The following DNAJB6 variants were observed in gnomAD, a reference collection of about 807,000 sequenced individuals.
DNAJB6 encodes DnaJ heat shock protein family (Hsp40) member B6, also known as dnaJ homolog subfamily B member 6.
Under a neutral mutation model 42.7 loss-of-function variants are expected in DNAJB6, and 16 were observed. The ratio of observed to expected loss-of-function variants is 0.37; its 90% CI spans 0.25 to 0.57. DNAJB6 has a LOEUF of 0.57. Ranked by LOEUF, DNAJB6 falls within the 20% of genes least tolerant of loss-of-function variation. DNAJB6 has a pLI of 0.74. For missense variants in DNAJB6, 347 were observed against 416.8 expected (o/e 0.83, Z 1.46); for synonymous variants, 170 against 163.5 (o/e 1.04, Z -0.30).
chr7:157,369,840 G>A lies in DNAJB6; in HGVS notation c.346+2357G>A, dbSNP rs868506601. Among the ~76,000 whole-genome samples the A allele has an allele frequency of 1.7e-4, 24 of 138,068 alleles. No homozygotes were observed. The South Asian group carries it at 1.8e-3, about 10-fold the overall frequency. 90.6% of individuals were successfully genotyped at this position (138,068 alleles called of 152,430 possible). On this transcript the variant is annotated intron_variant, in intron 5 of 9. Coordinates refer to ENST00000262177, the MANE Select transcript of DNAJB6 (RefSeq NM_058246.4). ...CATTATTAAACAGGCCTTTCATAAC[G>A]TTATTATTAAACGGGCCCCTTCTTC... is the stretch of plus-strand genomic sequence containing the variant.
chr7:157,357,533 A>G (rs1430077010), intron 1 of DNAJB6, among the ~76,000 whole-genome samples: 1 of 151,140 alleles, frequency 6.6e-6, no homozygotes, highest in Non-Finnish European at 1.5e-5. Context: ...CTGATCTCGA[A>G]CTCCTGACCT....
chr7:157,353,519 C>T (rs1310101955), intron 1 of DNAJB6, among the ~76,000 whole-genome samples: 1 of 151,518 alleles, frequency 6.6e-6, no homozygotes, highest in Non-Finnish European at 1.5e-5. Flanking sequence ...CCGAGGAACC[C>T]AGATTGTATT....
At chr7:157,356,132 A>G (rs554354189) in intron 1 of DNAJB6, among the ~76,000 whole-genome samples, 1 of 152,352 alleles carries the variant, frequency 6.6e-6, no homozygotes, top group East Asian at 1.9e-4. Context: ...GATGTCTGGC[A>G]TGGGGAGACT....
intron 1 of DNAJB6, among the ~76,000 whole-genome samples, chr7:157,338,738 C>T (rs539365803): frequency 6.6e-5 from 10 of 152,338 alleles, no homozygotes; most frequent in African/African-American, 2.4e-4. Flanking sequence ...AGTTTTTATG[C>T]ACGCTTCAGC....
chr7:157,407,392 C>T (rs1795811232), intron 8 of DNAJB6, among the ~76,000 whole-genome samples: 1 of 152,238 alleles, frequency 6.6e-6, no homozygotes, highest in African/African-American at 2.4e-5. Flanking sequence ...GGGTCCAGTT[C>T]AGTGTGTCAC....
chr7:157,353,960 G>C (rs1415270499), intron 1 of DNAJB6, among the ~76,000 whole-genome samples: 1 of 151,482 alleles, frequency 6.6e-6, no homozygotes, highest in East Asian at 2.0e-4. Context: ...CACTGCGCCT[G>C]GCCTGAGTCT....
intron 1 of DNAJB6, among the ~76,000 whole-genome samples, chr7:157,344,374 A>G (rs1033930933): frequency 2.6e-5 from 4 of 151,462 alleles, no homozygotes; most frequent in African/African-American, 9.7e-5. Flanking sequence ...ATAGCCAGGC[A>G]TTGTGGGACA....
intron 9 of DNAJB6, chr7:157,410,464 A>T (rs1795936807): frequency 4.4e-6 from 1 of 226,374 alleles, no homozygotes; most frequent in South Asian, 1.8e-4. Flanking sequence ...CCTCAAGTCA[A>T]GCCTCCTTGT....
chr7:157,368,919 G>A (rs1799974993), intron 5 of DNAJB6: 1 of 210,376 alleles, frequency 4.8e-6, no homozygotes, highest in African/African-American at 2.4e-5. Flanking sequence ...CAGGCACGAA[G>A]AAGCATAATC....
chr7:157,400,644 C>G (rs1006503915), intron 8 of DNAJB6, among the ~76,000 whole-genome samples: 2 of 152,232 alleles, frequency 1.3e-5, no homozygotes, highest in Admixed American at 1.3e-4. Flanking sequence ...TCACCAGGCT[C>G]ACCGCCGGGG....
rs553194788 is a variant in DNAJB6, at chr7:157,360,052, AGTT to A, written c.65+1417_65+1419del. Among the ~76,000 whole-genome samples the A allele has an allele frequency of 7.9e-5, 12 of 152,352 alleles. No homozygotes were observed. In the East Asian group the frequency reaches 2.3e-3, roughly 29 times the overall value. ...ACTTGACAGATTATAAGACGAAGAC[AGTT>A]GGGAATACCTTACTCCTCTCGAATA... is the stretch of plus-strand genomic sequence containing the variant. On this transcript the variant is annotated intron_variant, in intron 2 of 9. Transcript: ENST00000262177.
At chr7:157,356,504 A>T (rs990592813) in intron 1 of DNAJB6, among the ~76,000 whole-genome samples, 7 of 152,204 alleles carry the variant, frequency 4.6e-5, no homozygotes, top group Admixed American at 3.3e-4. Flanking sequence ...TTGCCATGTC[A>T]TTCTAACTAC....
chr7:157,390,002 G>A (rs987141078), intron 8 of DNAJB6, among the ~76,000 whole-genome samples: 6 of 152,334 alleles, frequency 3.9e-5, no homozygotes, highest in African/African-American at 1.4e-4. Context: ...TTCCTGCCTC[G>A]GAGTGCAACC....
intron 5 of DNAJB6, chr7:157,369,614 TTAA>T: frequency 9.9e-6 from 3 of 303,546 alleles, no homozygotes; most frequent in African/African-American, 7.0e-5. Flanking sequence ...AGGCCCCTTC[TTAA>T]CATTGTTATT....
intron 5 of DNAJB6, among the ~76,000 whole-genome samples, chr7:157,367,692 C>T (rs1159492557): frequency 6.6e-6 from 1 of 152,088 alleles, no homozygotes. Context: ...GAAGCCACGT[C>T]TCTATTAAAA....
chr7:157,374,460 TGTTGGTCAG>T (rs1800372445), intron 5 of DNAJB6, among the ~76,000 whole-genome samples: 1 of 152,104 alleles, frequency 6.6e-6, no homozygotes, highest in South Asian at 2.1e-4. Flanking sequence ...GGTTTCTTCA[TGTTGGTCAG>T]GTTGGTCTCG....
chr7:157,353,842 T>G (rs1209919441), intron 1 of DNAJB6, among the ~76,000 whole-genome samples: 1 of 151,854 alleles, frequency 6.6e-6, no homozygotes. Context: ...AAATTTTTTT[T>G]TTGTTGCACA....
At chr7:157,382,086 G>T in intron 5 of DNAJB6, 160 bp from the exon 6 acceptor site, 1 of 614,198 alleles carries the variant, frequency 1.6e-6, no homozygotes, top group Non-Finnish European at 2.6e-6. Flanking sequence ...TGGTGAGGTA[G>T]TGTTTCAGTT....
chr7:157,363,371 A>T, intron 3 of DNAJB6, 101 bp downstream of exon 3: 1 of 701,352 alleles, frequency 1.4e-6, no homozygotes, highest in Non-Finnish European at 2.4e-6. Flanking sequence ...GACTCAAGTG[A>T]CTTGTTTTTG....
Sources: gnomAD v4.1 joint callset for allele counts (sites outside exome capture counted in the v4.1 genomes callset) on GRCh38, gnomAD v4.1.1 for gene constraint, MANE v1.5 for transcripts, NCBI Gene and HGNC (gene_info 2026-07-23, HGNC 2026-07-21) for gene names.